Variants in CAT observed in about 807,000 individuals in gnomAD.
CAT encodes the protein epididymis secretory sperm binding protein.
A neutral mutation model predicts 59.0 loss-of-function variants in CAT; 43 were observed. The ratio of observed to expected loss-of-function variants is 0.73; its 90% CI spans 0.57 to 0.94. CAT has a LOEUF of 0.94. Among genes scored for constraint, CAT ranks in the 40% least tolerant of loss-of-function variants. The pLI is 0.00. For missense variants in CAT, 664 were observed against 682.9 expected, an observed-to-expected ratio of 0.97 and a Z score of 0.31; for synonymous variants, 218 against 230.9, an observed-to-expected ratio of 0.94 and a Z score of 0.51.
intron 1 of CAT, among the ~76,000 whole-genome samples, chr11:34,445,164 A>G (rs1405106231): frequency 1.3e-5 from 2 of 152,058 alleles, no homozygotes; most frequent in African/African-American, 4.8e-5. Flanking sequence ...TCAGGTATAT[A>G]GATGTAAAAG....
Position 34,461,369 on chromosome 11 carries a change from T to C in CAT, c.1175T>C (p.Met392Thr). The C allele has an allele frequency of 4.3e-6, 7 of 1,614,200 alleles. No homozygotes were observed. Among genetic ancestry groups the C allele is most frequent in the Non-Finnish European group, 5.9e-6 (7 of 1,180,024 alleles). Reference sequence around the variant, plus strand: ...GCCAACTACCAGCGTGACGGCCCGATGTGCATGCAGGACAATCAGGGTAGG... The same window carrying C: ...GCCAACTACCAGCGTGACGGCCCGACGTGCATGCAGGACAATCAGGGTAGG... ...RVANYQRDGPMCMQDNQGGAP... is the reference protein window; with the variant it reads ...RVANYQRDGPTCMQDNQGGAP... The change falls in exon 9 of 13, where the codon ATG becomes ACG. Residue 392 changes from methionine to threonine, a missense_variant. By Grantham distance (81) the Met-to-Thr change is moderately conservative. Transcript: ENST00000241052.
intron 1 of CAT, among the ~76,000 whole-genome samples, chr11:34,448,333 T>G (rs1425578030): frequency 6.6e-6 from 1 of 152,202 alleles, no homozygotes; most frequent in Non-Finnish European, 1.5e-5. Flanking sequence ...CACTTACGTG[T>G]CTCTCCTGAT....
Position 34,470,952 on chromosome 11 carries a change from C to T in CAT, c.1435-6C>T, listed in dbSNP as rs747567039. The T allele has an allele frequency of 3.1e-6, 5 of 1,612,254 alleles. No individual in the cohort carries two copies. In the South Asian group the frequency reaches 5.5e-5, roughly 18 times the overall value. ...AATGCTTGCATTTATTTTCCTTTGG[C>T]CTTAGGTCAAGAACTTCACTGAGGT... On this transcript the variant is annotated splice_region_variant and splice_polypyrimidine_tract_variant and intron_variant, in intron 11 of 12. Transcript: ENST00000241052.
intron 9 of CAT, among the ~76,000 whole-genome samples, chr11:34,463,414 C>T (rs974811997): frequency 5.9e-5 from 9 of 152,102 alleles, no homozygotes; most frequent in Non-Finnish European, 1.3e-4. Flanking sequence ...TACAATGGAA[C>T]AAAGTCATCA....
Position 34,470,978 on chromosome 11 carries a change from C to A in CAT, c.1455C>A (p.Val485=). 1 of 1,614,130 alleles carries A rather than the reference C, an allele frequency of 6.2e-7. No individual in the cohort carries two copies. The highest frequency in any genetic ancestry group is 8.5e-7 in the Non-Finnish European group (1 of 1,179,972). Residue 485 remains valine (V), a synonymous_variant, in exon 12 of 13, where the codon GTC becomes GTA. Coordinates refer to ENST00000241052, the MANE Select transcript of CAT (RefSeq NM_001752.4). The part of the protein sequence containing the change: ...QKKAVKNFTE[V]HPDYGSHIQA... Reference sequence around the variant, plus strand: ...CTTAGGTCAAGAACTTCACTGAGGTCCACCCTGACTACGGGAGCCACATCC... The same window carrying A: ...CTTAGGTCAAGAACTTCACTGAGGTACACCCTGACTACGGGAGCCACATCC...
chr11:34,461,338 C>G lies in CAT; in HGVS notation c.1144C>G (p.Arg382Gly). The G allele has an allele frequency of 6.2e-7, 1 of 1,614,200 alleles. No homozygotes were observed. The highest frequency in any genetic ancestry group is 8.5e-7 in the Non-Finnish European group (1 of 1,180,028). The change falls in exon 9 of 13, where the codon CGA (arginine) becomes GGA (glycine). Residue 382 changes from arginine to glycine, a missense_variant. Arg to Gly is a moderately radical substitution (Grantham distance 125). Coordinates refer to ENST00000241052, the MANE Select transcript of CAT (RefSeq NM_001752.4). ...HIPVNCPYRA[R>G]VANYQRDGPM... is the part of the protein sequence containing the mutation. ...ACCTGTGAACTGTCCCTACCGTGCT[C>G]GAGTGGCCAACTACCAGCGTGACGG...
In CAT at chr11:34,464,091, G is replaced by T; in HGVS notation, c.1196-14G>T. On this transcript the variant is annotated splice_polypyrimidine_tract_variant and intron_variant, in intron 9 of 12. Coordinates refer to ENST00000241052, the MANE Select transcript of CAT (RefSeq NM_001752.4). ...TCTTATTCCTAAGTGCATCTGGGTG[G>T]TTTTGTTTTGAAGGTGGTGCTCCAA... 1 of 1,614,144 alleles carries T rather than the reference G, an allele frequency of 6.2e-7. No homozygotes were observed. The highest frequency in any genetic ancestry group is 8.5e-7 in the Non-Finnish European group (1 of 1,180,020).
intron 1 of CAT, among the ~76,000 whole-genome samples, chr11:34,440,053 C>G (rs1004067773): frequency 2.0e-5 from 3 of 152,180 alleles, no homozygotes; most frequent in Non-Finnish European, 2.9e-5. Flanking sequence ...TGGTCTGAGT[C>G]TACTGTTGGC....
rs865851460 is a variant in CAT, at chr11:34,450,384, T to C, written c.239-604T>C. On this transcript the variant is annotated intron_variant, in intron 2 of 12. Coordinates refer to ENST00000241052, the MANE Select transcript of CAT (RefSeq NM_001752.4). The stretch of plus-strand genomic sequence containing the variant: ...TCGCTGTTATATCAGACACAAAAGA[T>C]GGGGGTGGTATTTGAAAGAAAGTGA... 2.6e-5 allele frequency among the ~76,000 whole-genome samples: 4 copies of C among 152,242 alleles called. No homozygotes were observed. In the South Asian group the frequency reaches 8.3e-4, roughly 32 times the overall value.
rs1424659953 is a variant in CAT at position 34,449,366 on chromosome 11, A to G, written c.238+3A>G. On this transcript the variant is annotated splice_donor_region_variant and intron_variant, in intron 2 of 12. Coordinates refer to ENST00000241052, the MANE Select transcript of CAT (RefSeq NM_001752.4). ...AGTTGTGCATGCTAAAGGAGCAGGT[A>G]AGTGCTGTGTTTATTTGCTGTAAAA... The G allele has an allele frequency of 6.2e-7, 1 of 1,613,206 alleles. No individual in the cohort carries two copies. Among genetic ancestry groups the G allele is most frequent in the African/African-American group, 1.3e-5 (1 of 74,916 alleles).
intron 11 of CAT, 59 bp downstream of exon 11, chr11:34,468,454 G>T (rs1856743389): frequency 1.7e-6 from 2 of 1,178,424 alleles, no homozygotes; most frequent in Middle Eastern, 1.9e-4. Flanking sequence ...GTGCAGCTGT[G>T]TGGGAGAACC....
At chr11:34,452,289 C>A in intron 4 of CAT, 82 bp downstream of exon 4, 2 of 1,336,120 alleles carry the variant, frequency 1.5e-6, no homozygotes, top group Non-Finnish European at 2.2e-6. Context: ...GAGGAGAAGC[C>A]GTGGGAAAGG....
At chr11:34,449,401 C>A (rs1324830021) in intron 2 of CAT, 38 bp downstream of exon 2, 2 of 1,561,646 alleles carry the variant, frequency 1.3e-6, no homozygotes, top group South Asian at 2.2e-5. Context: ...AAGATTGTTT[C>A]ACAGCACCTG....
chr11:34,451,444 CA>C (rs1856522545), intron 3 of CAT, among the ~76,000 whole-genome samples: 1 of 152,142 alleles, frequency 6.6e-6, no homozygotes, highest in African/African-American at 2.4e-5. Flanking sequence ...AATTCTGTGC[CA>C]ACTGTGGTTA....
intron 10 of CAT, among the ~76,000 whole-genome samples, chr11:34,466,804 A>G (rs565367377): frequency 3.4e-5 from 5 of 147,926 alleles, no homozygotes; most frequent in African/African-American, 1.0e-4. Context: ...AAAAAAAAAA[A>G]GAAAATAGAT....
At chr11:34,442,536 G>A (rs17885743) in intron 1 of CAT, among the ~76,000 whole-genome samples, 15,789 of 152,184 alleles carry the variant, frequency 0.1, 919 homozygotes, top group East Asian at 0.29. Flanking sequence ...TGGAGGCGGA[G>A]GTTGCAGTAA....
chr11:34,451,747 C>G (rs535711872), intron 3 of CAT, among the ~76,000 whole-genome samples: 1 of 152,298 alleles, frequency 6.6e-6, no homozygotes, highest in Non-Finnish European at 1.5e-5. Context: ...TTCTGTTTGT[C>G]ACTACTTTAA....
chr11:34,444,577 C>T (rs1474091373), intron 1 of CAT, among the ~76,000 whole-genome samples: 2 of 152,162 alleles, frequency 1.3e-5, no homozygotes, highest in Non-Finnish European at 2.9e-5. Context: ...TGCTAGAAAA[C>T]GCTAGGCACA....
rs1450689178 is a variant in CAT at position 34,471,041 on chromosome 11, G to A, written c.1518G>A (p.Lys506=). Reference sequence around the variant, plus strand: ...ACAAGTACAATGCTGAGAAGCCTAAGGTAAGCTGGGAGCAGCCTGGCCATG... The same window carrying A: ...ACAAGTACAATGCTGAGAAGCCTAAAGTAAGCTGGGAGCAGCCTGGCCATG... ...LLDKYNAEKP[K]NAIHTFVQSG... Residue 506 remains lysine, a splice_region_variant and synonymous_variant, in exon 12 of 13, where the codon AAG becomes AAA. Coordinates refer to ENST00000241052, the MANE Select transcript of CAT (RefSeq NM_001752.4). 2 of 1,613,968 alleles carry A rather than the reference G, an allele frequency of 1.2e-6. No homozygotes were observed. The highest frequency in any genetic ancestry group is 8.5e-7 in the Non-Finnish European group (1 of 1,179,820).
Sources: allele counts gnomAD v4.1 joint callset (sites outside exome capture counted in the v4.1 genomes callset), GRCh38; gene constraint gnomAD v4.1.1; transcripts MANE v1.5; gene names NCBI Gene and HGNC (gene_info 2026-07-23, HGNC 2026-07-21).